The following MACROD2 variants were observed in gnomAD, a reference collection of about 807,000 sequenced individuals.
MACROD2 encodes ADP-ribose glycohydrolase MACROD2.
MACROD2 carries 36 observed loss-of-function variants against 70.4 expected under a neutral mutation model. That is an observed-to-expected ratio of 0.51 (90% CI 0.39 to 0.68). The LOEUF (loss-of-function observed/expected upper bound fraction) is 0.68. Ranked by LOEUF, MACROD2 falls within the 30% of genes least tolerant of loss-of-function variation. The pLI is 0.00. For synonymous variants in MACROD2, 172 were observed against 178.8 expected (o/e 0.96, Z 0.30); for missense variants, 496 against 538.4 (o/e 0.92, Z 0.78).
rs1600560543 is a variant in MACROD2, at chr20:14,702,552, TGTATATATA to T, written c.418+17594_418+17602del. Among the ~76,000 whole-genome samples, 16 of 138,126 alleles carry T rather than the reference TGTATATATA, an allele frequency of 1.2e-4. No homozygotes were observed. In the East Asian group the frequency reaches 3.2e-3, roughly 28 times the overall value. 90.6% of individuals were successfully genotyped at this position (138,126 alleles called of 152,430 possible). A position where few individuals can be genotyped will look rare whatever the true frequency, so the allele number is the denominator to read the frequency against. ...ACTAAACATTACATATGTGTGTGTG[TGTATATATA>T]TATACACATATATGTGTATATATAT... On this transcript the variant is annotated intron_variant, in intron 5 of 17. Coordinates refer to ENST00000684519, the MANE Select transcript of MACROD2 (RefSeq NM_001351661.2).
At chr20:14,518,503 G>A (rs1002875253) in intron 4 of MACROD2, among the ~76,000 whole-genome samples, 1 of 152,110 alleles carries the variant, frequency 6.6e-6, no homozygotes, top group Non-Finnish European at 1.5e-5. Context: ...GGTGTTTGCT[G>A]TTGGACTTTC....
At chr20:15,972,486 A>G (rs1406763468) in intron 13 of MACROD2, among the ~76,000 whole-genome samples, 1 of 152,142 alleles carries the variant, frequency 6.6e-6, no homozygotes, top group Non-Finnish European at 1.5e-5. Context: ...AGCAGAGGAA[A>G]ATGACAAGTT....
At chr20:14,816,644 T>A (rs554482251) in intron 5 of MACROD2, among the ~76,000 whole-genome samples, 7 of 152,164 alleles carry the variant, frequency 4.6e-5, no homozygotes, top group African/African-American at 1.7e-4. Flanking sequence ...TAAGGACACA[T>A]TTAAGTGTTC....
chr20:15,783,140 A>G (rs6034289), intron 8 of MACROD2, among the ~76,000 whole-genome samples: 51,078 of 151,806 alleles, frequency 0.34, 9,831 homozygotes, highest in East Asian at 0.54. Context: ...TTGACTGACT[A>G]TTGAGGATGA....
intron 3 of MACROD2, among the ~76,000 whole-genome samples, chr20:14,100,550 A>G (rs2054284628): frequency 6.8e-6 from 1 of 147,448 alleles, no homozygotes; most frequent in Non-Finnish European, 1.5e-5. Context: ...TCCAGAAATA[A>G]CCACTATTAA....
chr20:14,463,621 A>C (rs2084400170), intron 3 of MACROD2, among the ~76,000 whole-genome samples: 1 of 152,098 alleles, frequency 6.6e-6, no homozygotes, highest in Admixed American at 6.5e-5. Flanking sequence ...CAGTTTTCAA[A>C]GGGAATACTT....
intron 8 of MACROD2, among the ~76,000 whole-genome samples, chr20:15,621,889 T>G (rs1313356401): frequency 1.3e-5 from 2 of 152,206 alleles, no homozygotes; most frequent in East Asian, 3.8e-4. Context: ...TAATTGGGTT[T>G]TGTGGTGATG....
intron 3 of MACROD2, among the ~76,000 whole-genome samples, chr20:14,247,189 T>A (rs1213774179): frequency 6.6e-6 from 1 of 152,158 alleles, no homozygotes; most frequent in African/African-American, 2.4e-5. Flanking sequence ...GAGAAGCAAA[T>A]CTACAGGATT....
chr20:14,671,990 G>A (rs562707821), intron 4 of MACROD2, among the ~76,000 whole-genome samples: 4 of 152,176 alleles, frequency 2.6e-5, no homozygotes, highest in Non-Finnish European at 5.9e-5. Context: ...CAAGGGGTTA[G>A]GACAGCTATT....
chr20:14,543,011 C>T (rs1458926484), intron 4 of MACROD2, among the ~76,000 whole-genome samples: 2 of 152,008 alleles, frequency 1.3e-5, no homozygotes, highest in Non-Finnish European at 2.9e-5. Flanking sequence ...TTTAAAACAA[C>T]CAATTATGAT....
At chr20:16,029,045 GA>G (rs2067118376) in intron 15 of MACROD2, among the ~76,000 whole-genome samples, 1 of 152,198 alleles carries the variant, frequency 6.6e-6, no homozygotes, top group Non-Finnish European at 1.5e-5. Flanking sequence ...GGTTTCTGGT[GA>G]AAATTTGCTT....
chr20:15,496,296 C>T (rs965654061), intron 7 of MACROD2, among the ~76,000 whole-genome samples: 5 of 152,200 alleles, frequency 3.3e-5, no homozygotes, highest in Non-Finnish European at 5.9e-5. Context: ...GTCCAGGGCA[C>T]GATCCATGGA....
chr20:15,039,774 A>G (rs2075341181), intron 5 of MACROD2, among the ~76,000 whole-genome samples: 3 of 152,078 alleles, frequency 2.0e-5, no homozygotes, highest in Admixed American at 2.0e-4. Context: ...GAGACAGCAG[A>G]TATTTATAGC....
intron 6 of MACROD2, among the ~76,000 whole-genome samples, chr20:15,407,953 A>G (rs976572369): frequency 1.3e-5 from 2 of 152,140 alleles, no homozygotes; most frequent in Non-Finnish European, 2.9e-5. Context: ...AGTGACAGCA[A>G]CACCCCAAAG....
chr20:15,749,490 TAAAAA>T (rs1182758806), intron 8 of MACROD2, among the ~76,000 whole-genome samples: 1 of 152,086 alleles, frequency 6.6e-6, no homozygotes, highest in African/African-American at 2.4e-5. Flanking sequence ...TGTATTGAAT[TAAAAA>T]AAGAATAAAT....
At chr20:14,575,206 A>G (rs1217623502) in intron 4 of MACROD2, among the ~76,000 whole-genome samples, 1 of 151,936 alleles carries the variant, frequency 6.6e-6, no homozygotes, top group Non-Finnish European at 1.5e-5. Flanking sequence ...AATATAATAA[A>G]CCCATTATAT....
intron 10 of MACROD2, among the ~76,000 whole-genome samples, chr20:15,890,865 C>T (rs2064880361): frequency 1.3e-5 from 2 of 151,874 alleles, no homozygotes; most frequent in Admixed American, 1.3e-4. Context: ...AGGCAGGGTC[C>T]CCATTATATC....
chr20:14,518,060 G>A lies in MACROD2; in HGVS notation c.301+24552G>A, dbSNP rs188231394. On this transcript the variant is annotated intron_variant, in intron 4 of 17. Transcript: ENST00000684519. ...ACAATGGTTACTGGAAAACATTGAC[G>A]TTGTAATTCTATTTTTCATTGCTTA... Among the ~76,000 whole-genome samples the A allele has an allele frequency of 6.0e-3, 915 of 151,966 alleles. 4 individuals are homozygous for A. Among genetic ancestry groups the A allele is most frequent in the Non-Finnish European group, 9.5e-3 (647 of 67,932 alleles).
chr20:15,083,712 T>A (rs1472477906), intron 5 of MACROD2, among the ~76,000 whole-genome samples: 1 of 152,082 alleles, frequency 6.6e-6, no homozygotes, highest in Non-Finnish European at 1.5e-5. Flanking sequence ...TAAAGGCATA[T>A]GTGCCTTTAT....
Sources: gnomAD v4.1 joint callset for allele counts (sites outside exome capture counted in the v4.1 genomes callset) on GRCh38, gnomAD v4.1.1 for gene constraint, MANE v1.5 for transcripts, NCBI Gene and HGNC (gene_info 2026-07-23, HGNC 2026-07-21) for gene names.